The following MMAA variants were observed in gnomAD, a reference collection of about 807,000 sequenced individuals.
MMAA encodes metabolism of cobalamin associated A, also known as methylmalonic aciduria type A protein, mitochondrial.
MMAA carries 41 observed loss-of-function variants against 45.0 expected under a neutral mutation model. The observed-to-expected ratio is 0.91, with a 90% CI of 0.71 to 1.18. MMAA has a LOEUF of 1.18. Ranked by LOEUF, MMAA falls within the 50% of genes most tolerant of loss-of-function variation. The pLI, the probability that MMAA is intolerant of heterozygous loss-of-function variation, is 0.00. For missense variants in MMAA, 460 were observed against 495.7 expected, an observed-to-expected ratio of 0.93 and a Z score of 0.68; for synonymous variants, 154 against 178.2, an observed-to-expected ratio of 0.86 and a Z score of 1.08.
At chr4:145,644,691 T>G (rs143471685) in intron 3 of MMAA, among the ~76,000 whole-genome samples, 1 of 152,364 alleles carries the variant, frequency 6.6e-6, no homozygotes, top group African/African-American at 2.4e-5. Flanking sequence ...GTGCCTACTC[T>G]TAACACTTTG....
intron 1 of MMAA, among the ~76,000 whole-genome samples, chr4:145,628,273 C>A (rs1734245610): frequency 6.6e-6 from 1 of 152,168 alleles, no homozygotes; most frequent in Non-Finnish European, 1.5e-5. Context: ...TTTCCTATAG[C>A]TCTGGTAACA....
chr4:145,643,069 T>G (rs1332051623), intron 3 of MMAA, among the ~76,000 whole-genome samples: 2 of 152,200 alleles, frequency 1.3e-5, no homozygotes, highest in East Asian at 3.8e-4. Flanking sequence ...TGATTTGATG[T>G]CATGAAGTCA....
chr4:145,656,239 T>C lies in MMAA; in HGVS notation c.*805T>C, dbSNP rs1728226415. Reference sequence around the variant, plus strand: ...CTTCCTTGGCCATTTCACTTCATTTTAGTATTTTAAAAATCTTTTTTCTTG... The same window carrying C: ...CTTCCTTGGCCATTTCACTTCATTTCAGTATTTTAAAAATCTTTTTTCTTG... On this transcript the variant is annotated 3_prime_UTR_variant, in exon 7 of 7. Transcript: ENST00000649156. 1 of 152,232 alleles carries C rather than the reference T, an allele frequency of 6.6e-6. No individual in the cohort carries two copies. The allele number at this position is 152,232 out of a possible 1,614,324, so 9.4% of individuals were successfully genotyped here.
chr4:145,633,176 G>A (rs376850830), intron 1 of MMAA, among the ~76,000 whole-genome samples: 2 of 146,296 alleles, frequency 1.4e-5, no homozygotes, highest in Admixed American at 6.8e-5. Context: ...CCTTTCTTGT[G>A]GTATCTTGAA....
At chr4:145,653,399 A>G (rs1256755167) in intron 5 of MMAA, among the ~76,000 whole-genome samples, 1 of 152,196 alleles carries the variant, frequency 6.6e-6, no homozygotes, top group Non-Finnish European at 1.5e-5. Context: ...TAATATTTTT[A>G]TGTGACATAA....
intron 5 of MMAA, among the ~76,000 whole-genome samples, chr4:145,653,576 T>A (rs1234370110): frequency 6.6e-6 from 1 of 152,194 alleles, no homozygotes; most frequent in African/African-American, 2.4e-5. Context: ...TAAGGAAAAT[T>A]TCAAAGACTT....
Position 145,655,388 on chromosome 4 carries a change from G to A in MMAA, c.1211G>A (p.Gly404Glu). Residue 404 changes from glycine to glutamate, a missense_variant, in exon 7 of 7, where the codon GGA (glycine) becomes GAA (glutamate). By Grantham distance (98) the Gly-to-Glu change is moderately conservative (BLOSUM62 -2). Transcript: ENST00000649156. ...QKVLIGALSPGLAADFLLKAF... is the reference protein window; with the variant it reads ...QKVLIGALSPELAADFLLKAF... The stretch of plus-strand genomic sequence containing the variant: ...GTTCTCATTGGGGCCCTGTCCCCAG[G>A]ACTAGCAGCAGACTTCTTGTTAAAA... 3 of 1,613,882 alleles carry A rather than the reference G, an allele frequency of 1.9e-6. No individual in the cohort carries two copies. Among genetic ancestry groups the A allele is most frequent in the East Asian group, 2.2e-5 (1 of 44,884 alleles).
chr4:145,639,020 A>G (rs1578877219), intron 1 of MMAA, 55 bp from the exon 2 acceptor site: 1 of 893,116 alleles, frequency 1.1e-6, no homozygotes, highest in Non-Finnish European at 1.8e-6. Flanking sequence ...AAATTTTACT[A>G]CTTCAGTATT....
chr4:145,640,368 C>CA (rs1727750302), intron 2 of MMAA, among the ~76,000 whole-genome samples: 1 of 152,082 alleles, frequency 6.6e-6, no homozygotes, highest in African/African-American at 2.4e-5. Flanking sequence ...CCGTCTTGGC[C>CA]TCCCAAAGTG....
At chr4:145,647,977 C>A (rs1332294089) in intron 4 of MMAA, among the ~76,000 whole-genome samples, 1 of 151,452 alleles carries the variant, frequency 6.6e-6, no homozygotes. Flanking sequence ...CTACCTCAGC[C>A]TCCCCAGTAG....
At chr4:145,637,398 C>T (rs1030923617) in intron 1 of MMAA, among the ~76,000 whole-genome samples, 3 of 152,018 alleles carry the variant, frequency 2.0e-5, no homozygotes, top group African/African-American at 4.8e-5. Flanking sequence ...TTTTAATTGT[C>T]CTTTTAGAAT....
chr4:145,653,440 C>G (rs938835773), intron 5 of MMAA, among the ~76,000 whole-genome samples: 1 of 151,416 alleles, frequency 6.6e-6, no homozygotes, highest in African/African-American at 2.4e-5. Flanking sequence ...TTTGTCCACG[C>G]AAAGCTGAAA....
intron 1 of MMAA, chr4:145,625,783 T>G (rs1734191832): frequency 1.7e-6 from 2 of 1,193,440 alleles, no homozygotes; most frequent in Non-Finnish European, 2.5e-6. Flanking sequence ...TGCTGTTGAA[T>G]TGTCTCCTCT....
intron 4 of MMAA, among the ~76,000 whole-genome samples, chr4:145,648,872 G>A (rs945834217): frequency 6.6e-6 from 1 of 152,120 alleles, no homozygotes; most frequent in Non-Finnish European, 1.5e-5. Context: ...TGTAGTCCTA[G>A]CTACTTGGTA....
intron 1 of MMAA, chr4:145,625,667 C>G (rs1734185283): frequency 7.6e-7 from 1 of 1,321,100 alleles, no homozygotes; most frequent in Non-Finnish European, 1.1e-6. Context: ...TGCCCAGTCT[C>G]TCTAGGCACA....
chr4:145,652,797 C>G (rs1465083405), intron 5 of MMAA, among the ~76,000 whole-genome samples: 1 of 152,084 alleles, frequency 6.6e-6, no homozygotes, highest in East Asian at 1.9e-4. Context: ...ACAGACACTC[C>G]TGTTACTCAG....
At position 145,658,539 on chromosome 4, in the gene MMAA, C is replaced by G. The variant is rs183480840; in HGVS notation, c.*3105C>G. On this transcript the variant is annotated 3_prime_UTR_variant, in exon 7 of 7. Transcript: ENST00000649156. ...TATTTCAATAGTTGACAGTAGCTAT[C>G]CCAATACAACCTAACAAGGCATTTT... 11 of 152,176 alleles carry G rather than the reference C, an allele frequency of 7.2e-5. No individual in the cohort carries two copies. In the East Asian group the frequency reaches 1.7e-3, roughly 24 times the overall value. 9.4% of individuals were successfully genotyped at this position (152,176 alleles called of 1,614,324 possible). A position where few individuals can be genotyped will look rare whatever the true frequency, so the allele number is the denominator to read the frequency against.
At chr4:145,630,738 A>AT (rs1370907889) in intron 1 of MMAA, among the ~76,000 whole-genome samples, 2 of 152,178 alleles carry the variant, frequency 1.3e-5, no homozygotes, top group African/African-American at 4.8e-5. Context: ...CAAAAAAAAA[A>AT]GATGCATTGT....
At chr4:145,632,053 T>A (rs1446744550) in intron 1 of MMAA, among the ~76,000 whole-genome samples, 1 of 152,252 alleles carries the variant, frequency 6.6e-6, no homozygotes, top group East Asian at 1.9e-4. Context: ...CAGTAGTTTA[T>A]ACACCACAGG....
Sources: gnomAD v4.1 joint callset for allele counts (sites outside exome capture counted in the v4.1 genomes callset) on GRCh38, gnomAD v4.1.1 for gene constraint, MANE v1.5 for transcripts, NCBI Gene and HGNC (gene_info 2026-07-23, HGNC 2026-07-21) for gene names.